Variants in PALLD observed in about 807,000 individuals in gnomAD.
The protein encoded by PALLD is palladin, cytoskeletal associated protein, also known as palladin.
Under a neutral mutation model 123.5 loss-of-function variants are expected in PALLD, and 61 were observed. The observed-to-expected ratio is 0.49, with a 90% CI of 0.40 to 0.61. The LOEUF (loss-of-function observed/expected upper bound fraction) is 0.61. PALLD is among the 20% of genes least tolerant of loss of function. The pLI, the probability that PALLD is intolerant of heterozygous loss-of-function variation, is 0.00. For missense variants in PALLD, 1,273 were observed against 1,377.0 expected (o/e 0.92, Z 1.20); for synonymous variants, 465 against 496.4 (o/e 0.94, Z 0.84).
intron 2 of PALLD, chr4:168,598,797 T>C: frequency 3.2e-6 from 1 of 317,262 alleles, no homozygotes; most frequent in Non-Finnish European, 6.4e-6. Flanking sequence ...GCAGGGAGGG[T>C]CCTCCAACAC....
At chr4:168,708,642 T>G (rs1042610761) in intron 8 of PALLD, among the ~76,000 whole-genome samples, 6 of 152,192 alleles carry the variant, frequency 3.9e-5, no homozygotes, top group African/African-American at 1.4e-4. Context: ...TGAGCAGATA[T>G]AAGAGGTAGC....
At chr4:168,509,805 G>C (rs959951282) in intron 1 of PALLD, among the ~76,000 whole-genome samples, 2 of 152,164 alleles carry the variant, frequency 1.3e-5, no homozygotes, top group African/African-American at 4.8e-5. Context: ...GATGGGGTAT[G>C]TTAACATTGA....
At chr4:168,526,208 T>A (rs780411758) in intron 2 of PALLD, among the ~76,000 whole-genome samples, 5 of 152,234 alleles carry the variant, frequency 3.3e-5, no homozygotes, top group African/African-American at 7.2e-5. Flanking sequence ...CGGAACGTAC[T>A]ATTTGGTTTC....
At chr4:168,693,424 C>T (rs1310368506) in intron 8 of PALLD, among the ~76,000 whole-genome samples, 2 of 152,160 alleles carry the variant, frequency 1.3e-5, no homozygotes, top group Admixed American at 6.5e-5. Context: ...ACCTCTAGAA[C>T]GTACTTAAAT....
Position 168,639,689 on chromosome 4 carries a change from A to G in PALLD, c.909-28501A>G, listed in dbSNP as rs367665851. On this transcript the variant is annotated intron_variant, in intron 2 of 21. Transcript: ENST00000505667. ...CTCCTGAGTAGCTGGGACTACAGGC[A>G]CCCACTACCACGCCCAGCTAATTTT... Among the ~76,000 whole-genome samples the G allele has an allele frequency of 2.3e-3, 345 of 151,690 alleles. 1 individual carries two copies. Among genetic ancestry groups the G allele is most frequent in the Middle Eastern group, 6.8e-3 (2 of 292 alleles).
At chr4:168,854,985 C>T (rs1748364646) in intron 10 of PALLD, among the ~76,000 whole-genome samples, 1 of 151,970 alleles carries the variant, frequency 6.6e-6, no homozygotes, top group African/African-American at 2.4e-5. Context: ...TCCCATTTTC[C>T]TGATATTTGT....
intron 10 of PALLD, among the ~76,000 whole-genome samples, chr4:168,887,802 C>T (rs1045904942): frequency 2.1e-5 from 3 of 142,660 alleles, no homozygotes; most frequent in Admixed American, 7.4e-5. Context: ...ATGGCTCTGG[C>T]ACAAGTTTTC....
chr4:168,922,876 A>G (rs1433452141), intron 18 of PALLD, among the ~76,000 whole-genome samples: 1 of 152,220 alleles, frequency 6.6e-6, no homozygotes, highest in African/African-American at 2.4e-5. Flanking sequence ...GGTGATGCAC[A>G]GTAATTGGAA....
At chr4:168,728,535 T>C (rs559827517) in intron 10 of PALLD, among the ~76,000 whole-genome samples, 2 of 152,304 alleles carry the variant, frequency 1.3e-5, no homozygotes, top group African/African-American at 4.8e-5. Context: ...ATGCTGCTGA[T>C]TTTTGTACAT....
chr4:168,738,940 A>C (rs1234087047), intron 10 of PALLD, among the ~76,000 whole-genome samples: 1 of 152,186 alleles, frequency 6.6e-6, no homozygotes, highest in South Asian at 2.1e-4. Flanking sequence ...TCAAGCATAG[A>C]GTCCAGGCAG....
chr4:168,737,849 C>G (rs1787917261), intron 10 of PALLD, among the ~76,000 whole-genome samples: 1 of 152,186 alleles, frequency 6.6e-6, no homozygotes. Flanking sequence ...GCTTCAAACA[C>G]TGAGGACAGG....
intron 15 of PALLD, among the ~76,000 whole-genome samples, chr4:168,907,654 A>C (rs1433615648): frequency 1.3e-5 from 2 of 152,168 alleles, no homozygotes; most frequent in Non-Finnish European, 2.9e-5. Flanking sequence ...CAGGCCCCAG[A>C]ATTCTCTGCT....
intron 10 of PALLD, among the ~76,000 whole-genome samples, chr4:168,821,713 T>TA (rs895199382): frequency 6.0e-5 from 9 of 149,422 alleles, no homozygotes; most frequent in East Asian, 2.0e-4. Flanking sequence ...TCGTCTCTAC[T>TA]AAAAAAAAAT....
intron 10 of PALLD, among the ~76,000 whole-genome samples, chr4:168,855,125 T>G (rs1335925495): frequency 7.4e-6 from 1 of 134,946 alleles, no homozygotes; most frequent in Non-Finnish European, 1.5e-5. Flanking sequence ...GGAGTCTCAC[T>G]CTGTTGCCAG....
intron 10 of PALLD, among the ~76,000 whole-genome samples, chr4:168,827,704 C>T (rs1256177443): frequency 2.6e-5 from 4 of 152,192 alleles, no homozygotes; most frequent in Non-Finnish European, 5.9e-5. Context: ...AGGCAAGATT[C>T]TGTGACTCTA....
intron 2 of PALLD, among the ~76,000 whole-genome samples, chr4:168,569,180 T>C (rs2149601998): frequency 6.6e-6 from 1 of 152,176 alleles, no homozygotes; most frequent in East Asian, 1.9e-4. Context: ...TAGCTACTCT[T>C]ATCTGCAGAG....
At chr4:168,921,218 C>T (rs1487030297) in intron 17 of PALLD, among the ~76,000 whole-genome samples, 1 of 151,834 alleles carries the variant, frequency 6.6e-6, no homozygotes, top group Admixed American at 6.6e-5. Context: ...CCAGCCCGGC[C>T]AACATAGTGA....
At chr4:168,598,434 T>C in intron 2 of PALLD, 1 of 623,868 alleles carries the variant, frequency 1.6e-6, no homozygotes, top group South Asian at 1.4e-5. Context: ...ATTTCTGTGA[T>C]TGGTTTGGCT....
chr4:168,901,961 C>G (rs1756619646), intron 14 of PALLD, among the ~76,000 whole-genome samples: 1 of 152,176 alleles, frequency 6.6e-6, no homozygotes, highest in South Asian at 2.1e-4. Flanking sequence ...TTGGTGATTA[C>G]TTTTTAGATT....
Sources: gnomAD v4.1 joint callset for allele counts (sites outside exome capture counted in the v4.1 genomes callset) on GRCh38, gnomAD v4.1.1 for gene constraint, MANE v1.5 for transcripts, NCBI Gene and HGNC (gene_info 2026-07-23, HGNC 2026-07-21) for gene names.